The following COPZ2 variants were observed in gnomAD, a reference collection of about 807,000 sequenced individuals.
COPZ2 encodes the protein coat protein complex I subunit zeta 2.
In COPZ2, 30 loss-of-function variants were observed where a neutral mutation model predicts 33.2. The ratio of observed to expected loss-of-function variants is 0.90; its 90% CI spans 0.68 to 1.23. The LOEUF is 1.23. Among genes scored for constraint, COPZ2 ranks in the 50% most tolerant of loss-of-function variants. The pLI, the probability that COPZ2 is intolerant of heterozygous loss-of-function variation, is 0.00. For missense variants in COPZ2, 263 were observed against 262.4 expected, an observed-to-expected ratio of 1.00 and a Z score of -0.02; for synonymous variants, 89 against 102.6, an observed-to-expected ratio of 0.87 and a Z score of 0.80.
Position 48,026,800 on chromosome 17 carries a change from G to A in COPZ2, c.586-325C>T, listed in dbSNP as rs138125040. ...CCCGCCCACAGTGCCACGTCCAGGC[G>A]GAGACGGGGCCCAGGCCTGACACTC... On this transcript the variant is annotated intron_variant, in intron 8 of 8. Coordinates refer to ENST00000621465, the MANE Select transcript of COPZ2 (RefSeq NM_016429.4). Among the ~76,000 whole-genome samples the A allele has an allele frequency of 3.6e-3, 543 of 152,352 alleles. 1 individual carries two copies. Among genetic ancestry groups the A allele is most frequent in the Non-Finnish European group, 5.8e-3 (395 of 68,022 alleles).
At chr17:48,033,549 T>A (rs1227940094) in intron 3 of COPZ2, among the ~76,000 whole-genome samples, 2 of 152,146 alleles carry the variant, frequency 1.3e-5, no homozygotes, top group Non-Finnish European at 2.9e-5. Flanking sequence ...GTTTACCTCC[T>A]GCCCACGCTC....
chr17:48,040,046 T>C (rs1447143401), upstream of COPZ2, among the ~76,000 whole-genome samples: 2 of 151,828 alleles, frequency 1.3e-5, no homozygotes, highest in Non-Finnish European at 2.9e-5. Flanking sequence ...CACTTGAACC[T>C]GGGAGGTGGA....
intron 6 of COPZ2, 56 bp from the exon 7 acceptor site, chr17:48,029,232 G>A (rs986678928): frequency 2.3e-5 from 33 of 1,464,402 alleles, no homozygotes; most frequent in East Asian, 1.5e-4. Flanking sequence ...CCTCCCCTCC[G>A]CCCCTTCTCC....
intron 8 of COPZ2, chr17:48,027,675 C>A (rs1346903875): frequency 1.3e-5 from 2 of 152,264 alleles, no homozygotes; most frequent in Non-Finnish European, 2.9e-5. Flanking sequence ...GGGCGCCACA[C>A]CTGGGACTCC....
At chr17:48,044,492 T>G in the COPZ2 span, among the ~76,000 whole-genome samples, 2 of 144,542 alleles carry the variant, frequency 1.4e-5, no homozygotes, top group Admixed American at 1.5e-4. Flanking sequence ...AAGAATCACC[T>G]GAAGAGCTTT....
At chr17:48,047,760 C>T in the COPZ2 span, 2 of 152,230 alleles carry the variant, frequency 1.3e-5, no homozygotes, top group Non-Finnish European at 2.9e-5. Flanking sequence ...GCTGGGGTGG[C>T]TTCTCCAGGT....
At chr17:48,036,729 G>T (rs1181866904) in intron 2 of COPZ2, 122 bp downstream of exon 2, 1 of 795,226 alleles carries the variant, frequency 1.3e-6, no homozygotes, top group South Asian at 1.6e-5. Context: ...GGATGAGAAG[G>T]ACCTCTGGAG....
rs1326115763 is a variant in COPZ2, at chr17:48,037,418, C to A, written c.111+249G>T. Among the ~76,000 whole-genome samples, 2 of 152,190 alleles carry A rather than the reference C, an allele frequency of 1.3e-5. No homozygotes were observed. Among genetic ancestry groups the A allele is most frequent in the Non-Finnish European group, 2.9e-5 (2 of 68,026 alleles). On this transcript the variant is annotated intron_variant, in intron 1 of 8. Transcript: ENST00000621465. The surrounding 1 kb of genome is among the most constrained non-coding windows in gnomAD (Gnocchi z 5.6). ...ACTCCTTACCCTCCCCGCGGAATCG[C>A]AACTCACCCGCCACCCCCACTCCAA...
At chr17:48,043,845 C>T in the COPZ2 span, among the ~76,000 whole-genome samples, 2 of 152,202 alleles carry the variant, frequency 1.3e-5, no homozygotes, top group East Asian at 3.9e-4. Flanking sequence ...CTCCTCCTAC[C>T]TCTTAATGGC....
Position 48,037,225 on chromosome 17 carries a change from C to A in COPZ2, c.112-300G>T. ...CCAGAGCCCGAGTCGGAGTGTATCA[C>A]AGAACCTGGGCCGGGGGGGACAGCG... On this transcript the variant is annotated intron_variant, in intron 1 of 8. Coordinates refer to ENST00000621465, the MANE Select transcript of COPZ2 (RefSeq NM_016429.4). This position sits in a 1 kb window ranked among gnomAD's most constrained non-coding sequence, Gnocchi z 5.6. 1 of 629,658 alleles carries A rather than the reference C, an allele frequency of 1.6e-6. No individual in the cohort carries two copies. Among genetic ancestry groups the A allele is most frequent in the Non-Finnish European group, 3.0e-6 (1 of 328,886 alleles). The allele number at this position is 629,658 out of a possible 1,614,324, so 39.0% of individuals were successfully genotyped here. A position where few individuals can be genotyped will look rare whatever the true frequency, so the allele number is the denominator to read the frequency against.
chr17:48,030,329 C>CACACACACACAA (rs1567740232), intron 6 of COPZ2, among the ~76,000 whole-genome samples: 1 of 141,266 alleles, frequency 7.1e-6, no homozygotes, highest in Non-Finnish European at 1.5e-5. Context: ...CACACACACA[C>CACACACACACAA]AAAGAAACAA....
At chr17:48,030,331 A>ACACAC (rs1555571321) in intron 6 of COPZ2, among the ~76,000 whole-genome samples, 1,693 of 111,870 alleles carry the variant, frequency 0.015, 21 homozygotes, top group African/African-American at 0.023. Flanking sequence ...CACACACACA[A>ACACAC]AGAAACAAAC....
At position 48,032,925 on chromosome 17, in the gene COPZ2, A is replaced by C. The variant is rs1192873592; in HGVS notation, c.361-184T>G. 4.9e-6 allele frequency: 3 copies of C among 613,316 alleles called. No homozygotes were observed. In the East Asian group the frequency reaches 8.3e-5, roughly 17 times the overall value. The allele number at this position is 613,316 out of a possible 1,614,324, so 38.0% of individuals were successfully genotyped here. On this transcript the variant is annotated intron_variant, in intron 4 of 8. Transcript: ENST00000621465. ...CTGGGCTGGGAAACTGGAGTTCTCC[A>C]CTGGGAGACATTGAGTGTATCCTTC...
chr17:48,040,841 A>C (rs2037054633), upstream of COPZ2, among the ~76,000 whole-genome samples: 1 of 152,224 alleles, frequency 6.6e-6, no homozygotes, highest in African/African-American at 2.4e-5. Flanking sequence ...ATAATAATTA[A>C]AATGTACCTA....
chr17:48,037,363 G>A lies in COPZ2; in HGVS notation c.111+304C>T, dbSNP rs572082035. 302 of 340,646 alleles carry A rather than the reference G, an allele frequency of 8.9e-4. 1 individual carries two copies. Among genetic ancestry groups the A allele is most frequent in the Non-Finnish European group, 1.5e-3 (264 of 176,524 alleles). 21.1% of individuals were successfully genotyped at this position (340,646 alleles called of 1,614,324 possible). A position where few individuals can be genotyped will look rare whatever the true frequency, so the allele number is the denominator to read the frequency against. ...AGAAGCATGCCCATCACCCACCGGT[G>A]ATGGGAGCCGAGTCTGGGACGGACA... On this transcript the variant is annotated intron_variant, in intron 1 of 8. Coordinates refer to ENST00000621465, the MANE Select transcript of COPZ2 (RefSeq NM_016429.4). The surrounding 1 kb of genome is among the most constrained non-coding windows in gnomAD (Gnocchi z 5.6).
Position 48,037,249 on chromosome 17 carries a change from C to A in COPZ2, c.112-324G>T. ...ACAGAACCTGGGCCGGGGGGGACAG[C>A]GGGCCGAGCCTCCTTCTTCCAGCTG... On this transcript the variant is annotated intron_variant, in intron 1 of 8. Transcript: ENST00000621465. The surrounding 1 kb of genome is among the most constrained non-coding windows in gnomAD (Gnocchi z 5.6). 2 of 586,086 alleles carry A rather than the reference C, an allele frequency of 3.4e-6. No individual in the cohort carries two copies. The highest frequency in any genetic ancestry group is 1.5e-5 in the South Asian group (1 of 65,874). 36.3% of individuals were successfully genotyped at this position (586,086 alleles called of 1,614,324 possible).
chr17:48,045,934 A>G, the COPZ2 span: 1 of 152,148 alleles, frequency 6.6e-6, no homozygotes, highest in South Asian at 2.1e-4. Context: ...GAAAGCTTGC[A>G]CCTGCTCAGA....
chr17:48,026,896 G>A lies in COPZ2; in HGVS notation c.586-421C>T, dbSNP rs577972315. On this transcript the variant is annotated intron_variant, in intron 8 of 8. Transcript: ENST00000621465. ...GGCAATGTGTCCTCAACACCCCACC[G>A]CAACCCACTGCTGATGTGGCATAGC... 8.8e-4 allele frequency among the ~76,000 whole-genome samples: 134 copies of A among 152,352 alleles called. 6 individuals carry two copies. In the South Asian group the frequency reaches 0.024, roughly 27 times the overall value.
At chr17:48,027,103 G>C (rs1234425588) in intron 8 of COPZ2, among the ~76,000 whole-genome samples, 1 of 152,192 alleles carries the variant, frequency 6.6e-6, no homozygotes. Flanking sequence ...TTCCCCTCTA[G>C]AGAAGGAGGG....
Sources: gnomAD v4.1 joint callset for allele counts (sites outside exome capture counted in the v4.1 genomes callset) on GRCh38, gnomAD v4.1.1 for gene constraint, Gnocchi (gnomAD v3.1) non-coding constraint, MANE v1.5 for transcripts, NCBI Gene and HGNC (gene_info 2026-07-23, HGNC 2026-07-21) for gene names.